Variants in PNPLA7 observed in about 807,000 individuals in gnomAD.
The protein encoded by PNPLA7 is patatin like domain 7, lysophospholipase.
Under a neutral mutation model 161.7 loss-of-function variants are expected in PNPLA7, and 153 were observed. That is an observed-to-expected ratio of 0.95 (90% CI 0.83 to 1.08). The LOEUF (loss-of-function observed/expected upper bound fraction) is 1.08. Ranked by LOEUF, PNPLA7 falls within the 50% of genes least tolerant of loss-of-function variation. The pLI is 0.00. For missense variants in PNPLA7, 1,739 were observed against 1,856.6 expected (o/e 0.94, Z 1.16); for synonymous variants, 809 against 782.1 (o/e 1.03, Z -0.57).
Position 137,479,647 on chromosome 9 carries a change from G to A in PNPLA7, c.2581-409C>T, listed in dbSNP as rs1479435743. ...ATTAGCCCAGGCAGGCTTGTGATGA[G>A]AACAGAGCAGGGAGCAGAGGAGGGA... is the stretch of plus-strand genomic sequence containing the variant. On this transcript the variant is annotated intron_variant, in intron 23 of 34. Coordinates refer to ENST00000406427, the MANE Select transcript of PNPLA7 (RefSeq NM_001098537.3). The A allele has an allele frequency of 2.4e-5, 24 of 985,324 alleles. No individual in the cohort carries two copies. In the Middle Eastern group the frequency reaches 2.1e-3, roughly 85 times the overall value. 61.0% of individuals were successfully genotyped at this position (985,324 alleles called of 1,614,324 possible). A position where few individuals can be genotyped will look rare whatever the true frequency, so the allele number is the denominator to read the frequency against.
At chr9:137,477,506 G>A (rs1453188612) in intron 25 of PNPLA7, among the ~76,000 whole-genome samples, 1 of 152,020 alleles carries the variant, frequency 6.6e-6, no homozygotes, top group Non-Finnish European at 1.5e-5. Context: ...CTGGAGTGTA[G>A]TGGTACGATC....
intron 12 of PNPLA7, 83 bp from the exon 13 acceptor site, chr9:137,506,166 A>G: frequency 8.5e-7 from 1 of 1,173,560 alleles, no homozygotes; most frequent in Non-Finnish European, 1.2e-6. Flanking sequence ...CACACCCTGC[A>G]GTCTAACCAC....
At chr9:137,549,163 A>G (rs1480214634) in intron 1 of PNPLA7, among the ~76,000 whole-genome samples, 1 of 152,238 alleles carries the variant, frequency 6.6e-6, no homozygotes, top group Non-Finnish European at 1.5e-5. Flanking sequence ...GGCCTTTGCC[A>G]TGTGGCTACA....
At position 137,468,330 on chromosome 9, in the gene PNPLA7, G is replaced by A. The variant is rs1449018512; in HGVS notation, c.2883-857C>T. ...AAGCCTCATATAGGCTTTCCTTTTG[G>A]CCTCATAGCCAAAAGAAAAAACAGA... On this transcript the variant is annotated intron_variant, in intron 25 of 34. Coordinates refer to ENST00000406427, the MANE Select transcript of PNPLA7 (RefSeq NM_001098537.3). The surrounding 1 kb of genome is among the most constrained non-coding windows in gnomAD (Gnocchi z 4.0). Among the ~76,000 whole-genome samples the A allele has an allele frequency of 6.6e-6, 1 of 152,132 alleles. No homozygotes were observed. The highest frequency in any genetic ancestry group is 2.4e-5 in the African/African-American group (1 of 41,420).
chr9:137,542,883 A>G (rs1029257572), intron 6 of PNPLA7, 82 bp from the exon 7 acceptor site: 3 of 1,450,768 alleles, frequency 2.1e-6, no homozygotes, highest in Non-Finnish European at 2.8e-6. Context: ...GCACACGGTC[A>G]CTGACCCCAC....
intron 12 of PNPLA7, among the ~76,000 whole-genome samples, chr9:137,512,503 G>C (rs1373201060): frequency 1.3e-5 from 2 of 152,264 alleles, no homozygotes; most frequent in Non-Finnish European, 2.9e-5. Flanking sequence ...GTGGTAACAA[G>C]AGGAGCATGA....
chr9:137,500,768 G>A lies in PNPLA7; in HGVS notation c.1680C>T (p.Thr560=), dbSNP rs148879085. 2.5e-5 allele frequency: 40 copies of A among 1,612,058 alleles called. No individual in the cohort carries two copies. The highest frequency in any genetic ancestry group is 2.4e-4 in the African/African-American group (18 of 74,908). Reference sequence around the variant, plus strand: ...TGACGGTGAAGATGAGAGGCTCCCCGGTGAGCACGGCCAGCTGGCCCACCA... The same window carrying A: ...TGACGGTGAAGATGAGAGGCTCCCCAGTGAGCACGGCCAGCTGGCCCACCA... ...GEMVGQLAVL[T]GEPLIFTVKA... The change falls in exon 16 of 35, where the codon ACC becomes ACT. Residue 560 remains threonine, a synonymous_variant. Coordinates refer to ENST00000406427, the MANE Select transcript of PNPLA7 (RefSeq NM_001098537.3). The surrounding 1 kb of genome is among the most constrained non-coding windows in gnomAD (Gnocchi z 5.5).
intron 8 of PNPLA7, among the ~76,000 whole-genome samples, chr9:137,535,247 T>C (rs1244966110): frequency 6.6e-6 from 1 of 152,184 alleles, no homozygotes; most frequent in East Asian, 1.9e-4. Flanking sequence ...GTTTGCACAC[T>C]TGTGTTCAAT....
At position 137,546,375 on chromosome 9, in the gene PNPLA7, G is replaced by A. The variant is rs767813294; in HGVS notation, c.273+455C>T. Among the ~76,000 whole-genome samples the A allele has an allele frequency of 9.9e-5, 15 of 151,892 alleles. No homozygotes were observed. The South Asian group carries it at 1.0e-3, about 11-fold the overall frequency. On this transcript the variant is annotated intron_variant, in intron 4 of 34. Coordinates refer to ENST00000406427, the MANE Select transcript of PNPLA7 (RefSeq NM_001098537.3). ...ATTCAGGGCCACTACTGGTCTCCGC[G>A]TCTTGGTGGTAGTGGTCCCCAGGAC...
intron 9 of PNPLA7, among the ~76,000 whole-genome samples, chr9:137,522,403 G>T (rs1023026761): frequency 6.0e-5 from 9 of 151,246 alleles, no homozygotes; most frequent in Admixed American, 2.0e-4. Context: ...TGTGAGCCAG[G>T]ATGGTCTCGA....
In PNPLA7 at chr9:137,480,446, G is replaced by C. The variant is rs765315071; in HGVS notation, c.2446C>G (p.Gln816Glu). Residue 816 changes from glutamine to glutamate, a missense_variant, in exon 23 of 35, where the codon CAG (glutamine) becomes GAG (glutamate). This residue lies in a region of PNPLA7 where 192 missense variants were observed against 249.5 expected (regional missense o/e 0.77). Coordinates refer to ENST00000406427, the MANE Select transcript of PNPLA7 (RefSeq NM_001098537.3). ...HEYRLSSWLG[Q>E]QEDTHRIVLY... Reference sequence around the variant, plus strand: ...ACGATCCTGTGGGTGTCCTCCTGCTGCCCCAGCCAGCTGGACAGCCGGTAC... The same window carrying C: ...ACGATCCTGTGGGTGTCCTCCTGCTCCCCCAGCCAGCTGGACAGCCGGTAC... 3 of 1,612,180 alleles carry C rather than the reference G, an allele frequency of 1.9e-6. No individual in the cohort carries two copies. Among genetic ancestry groups the C allele is most frequent in the African/African-American group, 1.3e-5 (1 of 74,900 alleles).
intron 14 of PNPLA7, among the ~76,000 whole-genome samples, chr9:137,504,079 GA>G (rs1306930325): frequency 7.2e-6 from 1 of 139,668 alleles, no homozygotes; most frequent in African/African-American, 2.8e-5. Context: ...GAAGGAAGAA[GA>G]AGAAGGAAGA....
In PNPLA7 at chr9:137,460,674, G is replaced by C. The variant is rs758828750; in HGVS notation, c.3905C>G (p.Ala1302Gly). 6.2e-7 allele frequency: 1 copy of C among 1,612,892 alleles called. No homozygotes were observed. The highest frequency in any genetic ancestry group is 1.7e-4 in the Middle Eastern group (1 of 6,058). The change falls in exon 34 of 35, where the codon GCA becomes GGA. Residue 1302 changes from alanine to glycine, a missense_variant. By Grantham distance (60) the Ala-to-Gly change is moderately conservative (BLOSUM62 0). Coordinates refer to ENST00000406427, the MANE Select transcript of PNPLA7 (RefSeq NM_001098537.3). ...ELLDVPRDAYADFQSTSAQQG... is the reference protein window; with the variant it reads ...ELLDVPRDAYGDFQSTSAQQG... ...CTGGGCTGAGGTGCTCTGGAAGTCT[G>C]CGTATGCATCCCTGGGGACGTCCAG...
At chr9:137,536,466 T>C (rs1835896309) in intron 8 of PNPLA7, among the ~76,000 whole-genome samples, 1 of 151,988 alleles carries the variant, frequency 6.6e-6, no homozygotes, top group Non-Finnish European at 1.5e-5. Context: ...ACGGAGCCGC[T>C]GGTTCAGGCG....
chr9:137,522,526 C>A (rs367790809), intron 9 of PNPLA7, among the ~76,000 whole-genome samples: 8 of 152,258 alleles, frequency 5.3e-5, no homozygotes, highest in Admixed American at 3.9e-4. Flanking sequence ...TATTCCCGAA[C>A]CCACTCAGAA....
Position 137,498,240 on chromosome 9 carries a change from A to G in PNPLA7, c.1763T>C (p.Met588Thr), listed in dbSNP as rs775156535. 3 of 1,610,960 alleles carry G rather than the reference A, an allele frequency of 1.9e-6. No homozygotes were observed. Among genetic ancestry groups the G allele is most frequent in the Non-Finnish European group, 2.5e-6 (3 of 1,179,946 alleles). ...CAGGACGACGGTCGGCTGCTTCCGC[A>G]TGATTCTGCCGGGCAGCCCAGAGTC... The part of the protein sequence containing the change: ...SISKAHFYEI[M>T]RKQPTVVLGV... The change falls in exon 17 of 35, where the codon ATG becomes ACG. Residue 588 changes from methionine (M) to threonine (T), a missense_variant. By Grantham distance (81) the Met-to-Thr change is moderately conservative. Coordinates refer to ENST00000406427, the MANE Select transcript of PNPLA7 (RefSeq NM_001098537.3).
intron 18 of PNPLA7, 117 bp downstream of exon 18, chr9:137,497,070 T>A (rs1833098333): frequency 2.4e-6 from 3 of 1,263,146 alleles, no homozygotes; most frequent in African/African-American, 1.6e-5. Flanking sequence ...ACTACTACCA[T>A]CCACTCCTGG....
chr9:137,511,889 C>T (rs752566678), intron 12 of PNPLA7, among the ~76,000 whole-genome samples: 2 of 152,210 alleles, frequency 1.3e-5, no homozygotes, highest in African/African-American at 2.4e-5. Context: ...GCTTCAGCTA[C>T]CACAAAGGGA....
intron 1 of PNPLA7, 78 bp downstream of exon 1, chr9:137,550,090 G>A (rs1011531483): frequency 8.9e-6 from 14 of 1,566,500 alleles, no homozygotes; most frequent in African/African-American, 8.1e-5. Context: ...CAGAGCAGAC[G>A]CCAAGAGGAC....
Sources: gnomAD v4.1 joint callset for allele counts (sites outside exome capture counted in the v4.1 genomes callset) on GRCh38, gnomAD v4.1.1 for gene constraint, gnomAD v4.1.1 regional missense constraint, Gnocchi (gnomAD v3.1) non-coding constraint, MANE v1.5 for transcripts, NCBI Gene and HGNC (gene_info 2026-07-23, HGNC 2026-07-21) for gene names.